SH3KBP1: variants seen among roughly 807,000 people sequenced by gnomAD.
SH3KBP1 encodes SH3 domain-containing kinase-binding protein 1.
A neutral mutation model predicts 50.1 loss-of-function variants in SH3KBP1; 8 were observed. The ratio of observed to expected loss-of-function variants is 0.16; its 90% CI spans 0.09 to 0.29. The LOEUF (loss-of-function observed/expected upper bound fraction) is 0.29. SH3KBP1 is among the 10% of genes least tolerant of loss of function. The pLI, the probability that SH3KBP1 is intolerant of heterozygous loss-of-function variation, is 1.00. For missense variants in SH3KBP1, 377 were observed against 535.2 expected, an observed-to-expected ratio of 0.70 and a Z score of 2.92; for synonymous variants, 227 against 218.6, an observed-to-expected ratio of 1.04 and a Z score of -0.34.
chrX:19,721,320 C>T (rs1431864409), intron 3 of SH3KBP1, among the ~76,000 whole-genome samples: 1 of 111,117 alleles, frequency 9.0e-6, no homozygotes, highest in Admixed American at 9.5e-5. Context: ...TTATTCTCAC[C>T]GTGAATCTAA....
At chrX:19,760,037 T>TCTCC (rs1165244792) in intron 2 of SH3KBP1, among the ~76,000 whole-genome samples, 2 of 63,864 alleles carry the variant, frequency 3.1e-5, no homozygotes, top group Admixed American at 3.2e-4. Flanking sequence ...TCTCTCTCTC[T>TCTCC]CTCCCTCTCT....
At chrX:19,549,728 A>C (rs1052348800) in intron 14 of SH3KBP1, among the ~76,000 whole-genome samples, 3 of 112,249 alleles carry the variant, frequency 2.7e-5, no homozygotes, top group African/African-American at 9.7e-5. Flanking sequence ...GAAGGAAAGA[A>C]AAGGAAAGTG....
At chrX:19,670,780 T>C in intron 6 of SH3KBP1, 1 of 993,300 alleles carries the variant, frequency 1.0e-6, no homozygotes, top group Non-Finnish European at 1.3e-6. Context: ...CCAGTCTTGC[T>C]ACAAAATGTT....
intron 1 of SH3KBP1, among the ~76,000 whole-genome samples, chrX:19,858,560 C>T (rs891106413): frequency 6.3e-5 from 7 of 111,634 alleles, no homozygotes; most frequent in African/African-American, 2.3e-4. Flanking sequence ...CCCAGGAGTT[C>T]GAGGCTGCAG....
chrX:19,843,088 G>A (rs1293865555), intron 1 of SH3KBP1, among the ~76,000 whole-genome samples: 1 of 94,647 alleles, frequency 1.1e-5, no homozygotes, highest in Non-Finnish European at 2.1e-5. Context: ...GCGTGATCTC[G>A]GCTCACTGCA....
chrX:19,679,923 C>G (rs2063006615), intron 6 of SH3KBP1, among the ~76,000 whole-genome samples: 1 of 112,164 alleles, frequency 8.9e-6, no homozygotes, highest in South Asian at 3.6e-4. Flanking sequence ...ACAAGAATAC[C>G]TACATGAACT....
In SH3KBP1 at chrX:19,608,147, G is replaced by A. The variant is rs779895887; in HGVS notation, c.898-102C>T. ...AATGGAGGCCCTTTCCTGGAGGTCCGTGTTAATGAGGCAATGGTTACCAAG... is the reference window on the plus strand; with the variant it reads ...AATGGAGGCCCTTTCCTGGAGGTCCATGTTAATGAGGCAATGGTTACCAAG... On this transcript the variant is annotated intron_variant, in intron 8 of 17. Coordinates refer to ENST00000397821, the MANE Select transcript of SH3KBP1 (RefSeq NM_031892.3). 1.8e-4 allele frequency: 110 copies of A among 619,198 alleles called. No individual in the cohort carries two copies. The South Asian group carries it at 2.4e-3, about 13-fold the overall frequency. The allele number at this position is 619,198 out of a possible 1,213,427, so 51.0% of individuals were successfully genotyped here.
chrX:19,560,478 GAC>G (rs1377910979), intron 13 of SH3KBP1, among the ~76,000 whole-genome samples: 4 of 111,454 alleles, frequency 3.6e-5, no homozygotes, highest in Non-Finnish European at 7.5e-5. Flanking sequence ...TTTTTGTAGA[GAC>G]AGAGTATTTC....
intron 2 of SH3KBP1, among the ~76,000 whole-genome samples, chrX:19,805,982 A>G (rs1262728997): frequency 9.0e-6 from 1 of 111,427 alleles, no homozygotes; most frequent in Non-Finnish European, 1.9e-5. Context: ...ATTACCAAAT[A>G]CCAGCAACCT....
In SH3KBP1 at chrX:19,707,124, C is replaced by A. The variant is rs772319747; in HGVS notation, c.287-140G>T. The A allele has an allele frequency of 2.1e-5, 12 of 573,955 alleles. No homozygotes were observed. The African/African-American group carries it at 2.2e-4, about 11-fold the overall frequency. The allele number at this position is 573,955 out of a possible 1,213,427, so 47.3% of individuals were successfully genotyped here. On this transcript the variant is annotated intron_variant, in intron 3 of 17. Transcript: ENST00000397821. ...TGGGACATGGCTTGAGGCACGGCAG[C>A]CCTGGTCTCTTAGAGAGAGGCAGTA...
chrX:19,806,219 A>G (rs2067040544), intron 2 of SH3KBP1, among the ~76,000 whole-genome samples: 1 of 112,068 alleles, frequency 8.9e-6, no homozygotes, highest in Non-Finnish European at 1.9e-5. Flanking sequence ...AATGCAGTCT[A>G]CAAAACAGTA....
At chrX:19,571,655 C>T (rs1488830420) in intron 12 of SH3KBP1, among the ~76,000 whole-genome samples, 1 of 111,506 alleles carries the variant, frequency 9.0e-6, no homozygotes, top group Non-Finnish European at 1.9e-5. Flanking sequence ...TCCACAGATC[C>T]CAGAAGGATT....
intron 3 of SH3KBP1, among the ~76,000 whole-genome samples, chrX:19,710,646 T>C (rs2063756102): frequency 8.9e-6 from 1 of 111,849 alleles, no homozygotes; most frequent in African/African-American, 3.3e-5. Flanking sequence ...CTGCGCTTAA[T>C]TTATAAATTA....
intron 2 of SH3KBP1, among the ~76,000 whole-genome samples, chrX:19,756,301 C>G (rs2065210218): frequency 1.8e-5 from 2 of 111,092 alleles, no homozygotes; most frequent in African/African-American, 6.6e-5. Context: ...ATCTGGCTCT[C>G]TCAGAATACT....
chrX:19,834,077 A>G (rs2067992220), intron 2 of SH3KBP1, among the ~76,000 whole-genome samples: 2 of 112,010 alleles, frequency 1.8e-5, no homozygotes, highest in African/African-American at 6.5e-5. Context: ...CAGCCTTCTC[A>G]CACCAAAGAG....
chrX:19,601,677 T>A (rs1380950446), intron 9 of SH3KBP1: 1 of 111,109 alleles, frequency 9.0e-6, no homozygotes, highest in Non-Finnish European at 1.9e-5. Context: ...AATGGACAGC[T>A]CCTGATTAGG....
chrX:19,545,788 G>T, intron 15 of SH3KBP1, 134 bp downstream of exon 15: 1 of 726,393 alleles, frequency 1.4e-6, no homozygotes, highest in Non-Finnish European at 2.0e-6. Context: ...TGGGGATTTT[G>T]ATGAGTAACA....
intron 12 of SH3KBP1, among the ~76,000 whole-genome samples, chrX:19,583,383 G>C (rs1172751977): frequency 9.1e-6 from 1 of 110,397 alleles, no homozygotes; most frequent in Non-Finnish European, 1.9e-5. Context: ...TCAAACTCCT[G>C]ACCTCAGGTG....
At chrX:19,880,612 C>T (rs763712813) in intron 1 of SH3KBP1, among the ~76,000 whole-genome samples, 7 of 112,426 alleles carry the variant, frequency 6.2e-5, no homozygotes, top group Admixed American at 1.9e-4. Flanking sequence ...GATGCACAAG[C>T]GGTGTGGGAG....
Sources: gnomAD v4.1 joint callset for allele counts (sites outside exome capture counted in the v4.1 genomes callset) on GRCh38, gnomAD v4.1.1 for gene constraint, MANE v1.5 for transcripts, NCBI Gene and HGNC (gene_info 2026-07-23, HGNC 2026-07-21) for gene names.